FHIT: variants seen among roughly 807,000 people sequenced by gnomAD.
FHIT encodes bis(5'-adenosyl)-triphosphatase.
A neutral mutation model predicts 17.9 loss-of-function variants in FHIT; 19 were observed. The observed-to-expected ratio is 1.06, with a 90% CI of 0.74 to 1.56. The LOEUF is 1.56. FHIT is among the 40% of genes most tolerant of loss of function. FHIT has a pLI of 0.00. For synonymous variants in FHIT, 81 were observed against 69.7 expected (o/e 1.16, Z -0.81); for missense variants, 248 against 189.2 (o/e 1.31, Z -1.82).
intron 5 of FHIT, among the ~76,000 whole-genome samples, chr3:60,457,609 C>T (rs2032187203): frequency 1.3e-5 from 2 of 152,068 alleles, no homozygotes; most frequent in South Asian, 2.1e-4. Flanking sequence ...AGAGCTTCTG[C>T]ACAGCAAAAG....
rs369547018 is a variant in FHIT, at chr3:60,373,660, C to T, written c.103+163200G>A. 1.3e-3 allele frequency among the ~76,000 whole-genome samples: 197 copies of T among 152,118 alleles called. 1 individual carries two copies. The highest frequency in any genetic ancestry group is 4.4e-3 in the African/African-American group (181 of 41,502). ...GTAGTAGGGAGACCAGCAATTGTCC[C>T]CAAAATGTCCAGTCACTACTGGCAA... On this transcript the variant is annotated intron_variant, in intron 5 of 9. Coordinates refer to ENST00000492590, the MANE Select transcript of FHIT (RefSeq NM_002012.4).
chr3:60,405,100 T>C (rs1701802707), intron 5 of FHIT, among the ~76,000 whole-genome samples: 1 of 152,112 alleles, frequency 6.6e-6, no homozygotes, highest in Admixed American at 6.5e-5. Flanking sequence ...TAGGGGTAGG[T>C]ACCAGGTGGA....
intron 1 of FHIT, among the ~76,000 whole-genome samples, chr3:61,217,877 AT>A: frequency 6.6e-6 from 1 of 152,350 alleles, no homozygotes. Flanking sequence ...GATTTTTAAA[AT>A]ATGTTTGAAA....
At chr3:60,291,672 C>T (rs772349748) in intron 5 of FHIT, among the ~76,000 whole-genome samples, 2 of 152,134 alleles carry the variant, frequency 1.3e-5, no homozygotes, top group Non-Finnish European at 2.9e-5. Context: ...CTCTTTTACC[C>T]TTACTATCTG....
intron 8 of FHIT, among the ~76,000 whole-genome samples, chr3:59,873,910 T>G (rs570898963): frequency 6.6e-6 from 1 of 152,328 alleles, no homozygotes; most frequent in Admixed American, 6.5e-5. Context: ...TCTGTTCTCA[T>G]GCAGATTGAA....
intron 5 of FHIT, among the ~76,000 whole-genome samples, chr3:60,527,934 C>A (rs759249937): frequency 2.0e-5 from 3 of 152,172 alleles, no homozygotes; most frequent in Non-Finnish European, 4.4e-5. Context: ...TTGGTCTGTG[C>A]CTCAGCTTTT....
At chr3:60,181,149 T>G (rs1157690418) in intron 5 of FHIT, among the ~76,000 whole-genome samples, 87 of 147,946 alleles carry the variant, frequency 5.9e-4, no homozygotes, top group Middle Eastern at 6.8e-3. Context: ...TTTTTAATTT[T>G]TTTTTTTTTT....
At chr3:60,397,645 G>A (rs1350167346) in intron 5 of FHIT, among the ~76,000 whole-genome samples, 1 of 152,166 alleles carries the variant, frequency 6.6e-6, no homozygotes, top group Non-Finnish European at 1.5e-5. Context: ...CCTACTGATA[G>A]CGACAGGAGG....
intron 7 of FHIT, among the ~76,000 whole-genome samples, chr3:59,927,879 C>A (rs1459153092): frequency 6.6e-6 from 1 of 152,198 alleles, no homozygotes; most frequent in African/African-American, 2.4e-5. Context: ...AGAGGCTCTG[C>A]CTCTTCTGCG....
At chr3:60,278,743 C>T (rs1707290740) in intron 5 of FHIT, among the ~76,000 whole-genome samples, 1 of 151,992 alleles carries the variant, frequency 6.6e-6, no homozygotes, top group South Asian at 2.1e-4. Context: ...TCTTAGTTCC[C>T]ATCACTCGAG....
chr3:60,111,300 C>T (rs189728795), intron 5 of FHIT, among the ~76,000 whole-genome samples: 10 of 152,238 alleles, frequency 6.6e-5, no homozygotes, highest in African/African-American at 1.9e-4. Flanking sequence ...AAAGTCCTAG[C>T]TTAAATCTGG....
At chr3:60,960,876 A>G (rs1709394353) in intron 3 of FHIT, among the ~76,000 whole-genome samples, 1 of 152,242 alleles carries the variant, frequency 6.6e-6, no homozygotes, top group South Asian at 2.1e-4. Context: ...TATTGTAAAT[A>G]GTGCCACAAT....
chr3:60,337,137 T>C (rs1710283240), intron 5 of FHIT, among the ~76,000 whole-genome samples: 1 of 152,180 alleles, frequency 6.6e-6, no homozygotes, highest in Admixed American at 6.5e-5. Flanking sequence ...AAGTTCACAA[T>C]TGAGACAACA....
At chr3:60,306,877 T>C (rs4679524) in intron 5 of FHIT, among the ~76,000 whole-genome samples, 67,597 of 151,962 alleles carry the variant, frequency 0.44, 16,317 homozygotes, top group East Asian at 0.82. Flanking sequence ...TCAATAATAA[T>C]AAAATCATGG....
chr3:60,819,248 T>C (rs1417691517), intron 4 of FHIT, among the ~76,000 whole-genome samples: 5 of 152,150 alleles, frequency 3.3e-5, no homozygotes, highest in Admixed American at 2.6e-4. Context: ...TGGTTTTAAG[T>C]AGAAATAGAA....
chr3:60,029,167 A>G (rs980945247), intron 5 of FHIT, among the ~76,000 whole-genome samples: 1 of 152,174 alleles, frequency 6.6e-6, no homozygotes, highest in Admixed American at 6.5e-5. Flanking sequence ...TTATACTCTG[A>G]TAACTTATAG....
intron 7 of FHIT, among the ~76,000 whole-genome samples, chr3:59,981,448 C>T (rs73839685): frequency 0.01 from 1,554 of 152,224 alleles, 34 homozygotes; most frequent in African/African-American, 0.036. Flanking sequence ...TCTATTGCTG[C>T]CCTTGAACTG....
chr3:59,917,046 G>A (rs1705166550), intron 8 of FHIT, among the ~76,000 whole-genome samples: 1 of 152,194 alleles, frequency 6.6e-6, no homozygotes, highest in South Asian at 2.1e-4. Flanking sequence ...ATTGTCAAAT[G>A]CCGTGTGAAA....
At chr3:60,826,222 G>T (rs973546828) in intron 3 of FHIT, among the ~76,000 whole-genome samples, 9 of 150,340 alleles carry the variant, frequency 6.0e-5, no homozygotes, top group Non-Finnish European at 7.4e-5. Flanking sequence ...AAGAAGGAAG[G>T]AAGGGAGTTA....
Sources: allele counts gnomAD v4.1 joint callset (sites outside exome capture counted in the v4.1 genomes callset), GRCh38; gene constraint gnomAD v4.1.1; transcripts MANE v1.5; gene names NCBI Gene and HGNC (gene_info 2026-07-23, HGNC 2026-07-21).